The following CSMD1 variants were observed in gnomAD, a reference collection of about 807,000 sequenced individuals.
CSMD1 encodes CUB and Sushi multiple domains 1, also known as CUB and sushi domain-containing protein 1.
Under a neutral mutation model 417.5 loss-of-function variants are expected in CSMD1, and 213 were observed. The ratio of observed to expected loss-of-function variants is 0.51; its 90% CI spans 0.46 to 0.57. CSMD1 has a LOEUF of 0.57. CSMD1 is among the 20% of genes least tolerant of loss of function. The probability of loss-of-function intolerance (pLI) is 0.00; values close to 1 mark genes in which losing one functional copy is unlikely to be tolerated. For synonymous variants in CSMD1, 2,862 were observed against 1,736.8 expected (o/e 1.65, Z -16.11); for missense variants, 6,923 against 4,529.7 (o/e 1.53, Z -15.17).
chr8:4,203,678 T>C (rs1344061915), intron 3 of CSMD1, among the ~76,000 whole-genome samples: 8 of 152,116 alleles, frequency 5.3e-5, no homozygotes, highest in African/African-American at 1.9e-4. Context: ...TGGCCATTTG[T>C]AAGTAGGGAT....
At chr8:3,114,929 T>A (rs1490736414) in intron 42 of CSMD1, among the ~76,000 whole-genome samples, 1 of 152,180 alleles carries the variant, frequency 6.6e-6, no homozygotes, top group African/African-American at 2.4e-5. Context: ...TTTACACTAA[T>A]AATTATCTCT....
At position 3,595,841 on chromosome 8, in the gene CSMD1, C is replaced by A. The variant is rs1801065804; in HGVS notation, c.1098-9581G>T. 3.9e-5 allele frequency among the ~76,000 whole-genome samples: 6 copies of A among 152,322 alleles called. No homozygotes were observed. In the South Asian group the frequency reaches 1.2e-3, roughly 32 times the overall value. ...CCACCTATCTATACAAAGGCAAAAG[C>A]TGTTTGCACACTGTGTGAACGTGGA... On this transcript the variant is annotated intron_variant, in intron 8 of 69. Transcript: ENST00000635120.
intron 3 of CSMD1, among the ~76,000 whole-genome samples, chr8:4,261,750 G>A (rs1028140914): frequency 1.3e-5 from 2 of 151,904 alleles, no homozygotes; most frequent in Admixed American, 6.6e-5. Flanking sequence ...ACAGAAAAAT[G>A]TTTTCTATGT....
intron 1 of CSMD1, among the ~76,000 whole-genome samples, chr8:4,732,147 G>A (rs1809923114): frequency 6.6e-6 from 1 of 151,974 alleles, no homozygotes; most frequent in South Asian, 2.1e-4. Context: ...TTCTAATAAT[G>A]TTCCCAGGAC....
chr8:3,689,649 C>G (rs932707414), intron 7 of CSMD1, among the ~76,000 whole-genome samples: 3 of 152,146 alleles, frequency 2.0e-5, no homozygotes, highest in Non-Finnish European at 4.4e-5. Context: ...AGGCCTGGTT[C>G]TGAAGGCCTT....
chr8:3,595,645 C>G (rs1294577934), intron 8 of CSMD1, among the ~76,000 whole-genome samples: 1 of 152,118 alleles, frequency 6.6e-6, no homozygotes, highest in African/African-American at 2.4e-5. Context: ...TGGCAATTTC[C>G]AGCTGTGACT....
At chr8:4,094,334 G>A (rs1291889705) in intron 3 of CSMD1, among the ~76,000 whole-genome samples, 1 of 152,114 alleles carries the variant, frequency 6.6e-6, no homozygotes, top group East Asian at 1.9e-4. Context: ...CCAGGCCAGA[G>A]GTGGCTGTGA....
chr8:3,683,258 A>G (rs1210988587), intron 7 of CSMD1, among the ~76,000 whole-genome samples: 1 of 151,916 alleles, frequency 6.6e-6, no homozygotes, highest in African/African-American at 2.4e-5. Context: ...AAAAATAAAG[A>G]CAGTGACCCC....
At chr8:4,702,201 A>G (rs1351163510) in intron 1 of CSMD1, among the ~76,000 whole-genome samples, 1 of 152,186 alleles carries the variant, frequency 6.6e-6, no homozygotes, top group Non-Finnish European at 1.5e-5. Context: ...GCAGCAAACC[A>G]CTATGGTACA....
intron 20 of CSMD1, 108 bp from the exon 21 acceptor site, chr8:3,359,448 C>T (rs1809011610): frequency 6.6e-6 from 5 of 752,070 alleles, no homozygotes; most frequent in African/African-American, 1.8e-5. Flanking sequence ...AAAAAACCTA[C>T]ATATATATTT....
intron 7 of CSMD1, among the ~76,000 whole-genome samples, chr8:3,689,355 C>T (rs1800115234): frequency 1.3e-5 from 2 of 152,158 alleles, no homozygotes; most frequent in African/African-American, 2.4e-5. Flanking sequence ...CCCCTCATAC[C>T]ACCCTTGCTG....
At chr8:4,975,151 A>T (rs978120199) in intron 1 of CSMD1, among the ~76,000 whole-genome samples, 1 of 152,194 alleles carries the variant, frequency 6.6e-6, no homozygotes, top group Non-Finnish European at 1.5e-5. Flanking sequence ...TGGTTCCAGC[A>T]AATTAAGAGG....
chr8:3,792,045 C>A (rs961360781), intron 5 of CSMD1, among the ~76,000 whole-genome samples: 1 of 152,104 alleles, frequency 6.6e-6, no homozygotes, highest in African/African-American at 2.4e-5. Flanking sequence ...ACTTGGGCAA[C>A]CTCAAAGTTT....
intron 1 of CSMD1, among the ~76,000 whole-genome samples, chr8:4,680,573 C>T (rs1394838133): frequency 1.3e-5 from 2 of 151,994 alleles, no homozygotes; most frequent in African/African-American, 4.8e-5. Context: ...CCACCACATT[C>T]TAAGATAGTT....
chr8:3,299,623 G>T (rs1166357101), intron 25 of CSMD1, among the ~76,000 whole-genome samples: 2 of 152,092 alleles, frequency 1.3e-5, no homozygotes, highest in Non-Finnish European at 2.9e-5. Context: ...CAAAGTGTGG[G>T]AAGGCTCTTG....
intron 3 of CSMD1, among the ~76,000 whole-genome samples, chr8:4,183,924 G>T (rs1456200529): frequency 1.3e-5 from 2 of 152,092 alleles, no homozygotes. Context: ...GCTACCACAT[G>T]ATAGTCTGGG....
chr8:4,535,485 G>A (rs1217428167), intron 2 of CSMD1, among the ~76,000 whole-genome samples: 1 of 152,062 alleles, frequency 6.6e-6, no homozygotes, highest in Non-Finnish European at 1.5e-5. Context: ...TGAAGTATAT[G>A]TGTTTCAATC....
chr8:4,052,008 C>T (rs181426990), intron 3 of CSMD1, among the ~76,000 whole-genome samples: 115 of 152,080 alleles, frequency 7.6e-4, no homozygotes, highest in Non-Finnish European at 1.4e-3. Flanking sequence ...TCACTGCAAC[C>T]TCTGTCTCCC....
At chr8:4,705,983 T>C (rs1200974659) in intron 1 of CSMD1, among the ~76,000 whole-genome samples, 1 of 151,922 alleles carries the variant, frequency 6.6e-6, no homozygotes, top group African/African-American at 2.4e-5. Context: ...TAGGATGACC[T>C]TTATGAACTG....
Sources: gnomAD v4.1 joint callset for allele counts (sites outside exome capture counted in the v4.1 genomes callset) on GRCh38, gnomAD v4.1.1 for gene constraint, MANE v1.5 for transcripts, NCBI Gene and HGNC (gene_info 2026-07-23, HGNC 2026-07-21) for gene names.